EIF2AK4: variants seen among roughly 807,000 people sequenced by gnomAD.
EIF2AK4 encodes eIF-2-alpha kinase GCN2.
Under a neutral mutation model 211.1 loss-of-function variants are expected in EIF2AK4, and 139 were observed. That is an observed-to-expected ratio of 0.66 (90% CI 0.57 to 0.76). The LOEUF (loss-of-function observed/expected upper bound fraction) is 0.76. Ranked by LOEUF, EIF2AK4 falls within the 30% of genes least tolerant of loss-of-function variation. EIF2AK4 has a pLI of 0.00. For synonymous variants in EIF2AK4, 710 were observed against 751.3 expected, an observed-to-expected ratio of 0.94 and a Z score of 0.90; for missense variants, 1,664 against 2,043.8, an observed-to-expected ratio of 0.81 and a Z score of 3.58.
At chr15:39,982,921 A>G (rs1330182165) in intron 13 of EIF2AK4, among the ~76,000 whole-genome samples, 1 of 152,194 alleles carries the variant, frequency 6.6e-6, no homozygotes. Flanking sequence ...TATATGTGCC[A>G]CATTTTCTTT....
chr15:40,016,736 A>G, intron 28 of EIF2AK4, 64 bp downstream of exon 28: 2 of 1,549,900 alleles, frequency 1.3e-6, no homozygotes. Context: ...CAGGGAGGAA[A>G]TGTGTTTCAT....
At chr15:39,999,322 T>TA (rs2035062307) in intron 20 of EIF2AK4, among the ~76,000 whole-genome samples, 1 of 151,904 alleles carries the variant, frequency 6.6e-6, no homozygotes, top group Admixed American at 6.6e-5. Context: ...CAGCAAATAT[T>TA]AAAAAAAATA....
chr15:39,954,090 G>A (rs2034357553), intron 5 of EIF2AK4, 106 bp downstream of exon 5: 2 of 969,056 alleles, frequency 2.1e-6, no homozygotes, highest in African/African-American at 3.3e-5. Context: ...TTAAAATAAA[G>A]CACTAAAAAT....
Position 39,967,365 on chromosome 15 carries a change from T to C in EIF2AK4, c.1039T>C (p.Phe347Leu), listed in dbSNP as rs751653522. The C allele has an allele frequency of 6.3e-7, 1 of 1,595,802 alleles. No homozygotes were observed. Among genetic ancestry groups the C allele is most frequent in the South Asian group, 1.1e-5 (1 of 90,576 alleles). Residue 347 changes from phenylalanine to leucine, a missense_variant, in exon 9 of 39, where the codon TTC becomes CTC. Phe to Leu is a conservative substitution (Grantham distance 22). Coordinates refer to ENST00000263791, the MANE Select transcript of EIF2AK4 (RefSeq NM_001013703.4). ...TCAGATTCAAGGAACAGAAACAGAA[T>C]TCAACTCACTGGTAAAATTGAGCCA... ...KKQIQGTETE[F>L]NSLVKLSHPN...
chr15:39,973,501 T>C (rs2034652030), intron 10 of EIF2AK4, 91 bp from the exon 11 acceptor site: 1 of 1,351,702 alleles, frequency 7.4e-7, no homozygotes, highest in Non-Finnish European at 1.0e-6. Flanking sequence ...TGGTTGGAGC[T>C]CTTCTTCCAG....
At chr15:39,950,723 A>G (rs1282936688) in intron 4 of EIF2AK4, among the ~76,000 whole-genome samples, 1 of 150,718 alleles carries the variant, frequency 6.6e-6, no homozygotes, top group Non-Finnish European at 1.5e-5. Context: ...TATATAGTTC[A>G]TAAGCTTGAT....
rs2034644526 is a variant in EIF2AK4, at chr15:39,972,899, C to G, written c.1554-9C>G. On this transcript the variant is annotated splice_polypyrimidine_tract_variant and intron_variant, in intron 9 of 38. Transcript: ENST00000263791. ...GTGATGCTAAGATTCTTCCTTCCCT[C>G]TCACCGAGATGTGTGTGCTTGGATG... The G allele has an allele frequency of 1.2e-6, 2 of 1,611,154 alleles. No homozygotes were observed. Among genetic ancestry groups the G allele is most frequent in the South Asian group, 1.1e-5 (1 of 90,986 alleles).
intron 30 of EIF2AK4, 130 bp from the exon 31 acceptor site, chr15:40,020,769 G>T (rs1009047506): frequency 3.0e-6 from 2 of 672,646 alleles, no homozygotes; most frequent in Non-Finnish European, 4.5e-6. Context: ...TCTTTGGCAC[G>T]CTGTGTTTCT....
intron 19 of EIF2AK4, among the ~76,000 whole-genome samples, chr15:39,998,202 T>G (rs1358301979): frequency 2.0e-5 from 3 of 146,970 alleles, no homozygotes; most frequent in Non-Finnish European, 4.6e-5. Context: ...TGAGAACTTT[T>G]GGGGAAGTAG....
chr15:39,965,479 C>G (rs923332422), intron 7 of EIF2AK4, among the ~76,000 whole-genome samples: 21 of 152,082 alleles, frequency 1.4e-4, no homozygotes, highest in Non-Finnish European at 1.2e-4. Context: ...ATTCTTGCCC[C>G]TTATAAAAAA....
At chr15:40,003,393 C>T (rs1383420498) in intron 23 of EIF2AK4, 79 bp downstream of exon 23, 1 of 1,564,300 alleles carries the variant, frequency 6.4e-7, no homozygotes, top group Non-Finnish European at 8.7e-7. Flanking sequence ...AAGGATTTTT[C>T]CCCCAGGCTT....
At chr15:39,975,982 G>C (rs1488455538) in intron 11 of EIF2AK4, among the ~76,000 whole-genome samples, 1 of 151,906 alleles carries the variant, frequency 6.6e-6, no homozygotes, top group Non-Finnish European at 1.5e-5. Context: ...TAATATTTTT[G>C]GTGTTTAATT....
chr15:40,028,321 C>T (rs748819888), intron 33 of EIF2AK4, among the ~76,000 whole-genome samples: 5 of 152,074 alleles, frequency 3.3e-5, no homozygotes, highest in East Asian at 1.9e-4. Context: ...GCAACTCTCC[C>T]GCCTCAAGAA....
chr15:39,999,238 A>G (rs2035061653), intron 20 of EIF2AK4, among the ~76,000 whole-genome samples: 2 of 152,186 alleles, frequency 1.3e-5, no homozygotes, highest in South Asian at 4.1e-4. Context: ...TTAAAGCAAA[A>G]TAAATTCTCC....
At chr15:39,976,952 T>C in intron 12 of EIF2AK4, 108 bp downstream of exon 12, 13 of 1,312,612 alleles carry the variant, frequency 9.9e-6, no homozygotes, top group South Asian at 1.8e-5. Flanking sequence ...TTCCTTCTTT[T>C]CTTTCTTTCC....
rs537957900 is a variant in EIF2AK4 at position 39,972,118 on chromosome 15, G to A, written c.1554-790G>A. Among the ~76,000 whole-genome samples the A allele has an allele frequency of 1.2e-3, 182 of 152,218 alleles. 7 individuals carry two copies. The highest frequency in any genetic ancestry group is 3.4e-3 in the Middle Eastern group (1 of 294). The stretch of plus-strand genomic sequence containing the variant: ...TCACGCCTGTAATCCCAGCACTTTG[G>A]GAGGCCGAGACAGGCAGATTGTTTG... On this transcript the variant is annotated intron_variant, in intron 9 of 38. Coordinates refer to ENST00000263791, the MANE Select transcript of EIF2AK4 (RefSeq NM_001013703.4).
chr15:39,997,052 A>G lies in EIF2AK4; in HGVS notation c.2855A>G (p.Asn952Ser), dbSNP rs2035027438. ...VTASERIFVL[N>S]QLRDPTSPKF... ...GCTTCAGAAAGGATCTTTGTTCTCA[A>G]CCAACTCAGAGATGTATGTATCAGG... is the stretch of plus-strand genomic sequence containing the variant. Residue 952 changes from asparagine to serine, a missense_variant, in exon 19 of 39, where the codon AAC becomes AGC. Physicochemically the swap from Asn to Ser is conservative, Grantham distance 46 (BLOSUM62 1). Transcript: ENST00000263791. The G allele has an allele frequency of 1.2e-6, 2 of 1,612,112 alleles. No homozygotes were observed. Among genetic ancestry groups the G allele is most frequent in the Non-Finnish European group, 1.7e-6 (2 of 1,178,154 alleles).
rs1417536284 is a variant in EIF2AK4 at position 39,967,876 on chromosome 15, AG to A, written c.1551del (p.Lys518AsnfsTer17). 1 of 1,613,622 alleles carries A rather than the reference AG, an allele frequency of 6.2e-7. No individual in the cohort carries two copies. On this transcript the variant is annotated frameshift_variant and splice_region_variant, in exon 9 of 39. Coordinates refer to ENST00000263791, the MANE Select transcript of EIF2AK4 (RefSeq NM_001013703.4). LOFTEE classifies it high-confidence loss of function. ...DLPADFQDFL[K>X]KCVCLDDKER... ...CCAGCTGACTTTCAAGATTTTCTAA[AG>A]AAGTGAGTATCACTGAGATTCTCTC...
intron 32 of EIF2AK4, among the ~76,000 whole-genome samples, chr15:40,025,644 C>T (rs1300300168): frequency 6.6e-6 from 1 of 151,242 alleles, no homozygotes; most frequent in Non-Finnish European, 1.5e-5. Flanking sequence ...TTCATCTTGG[C>T]CTTAAAAAAA....
Sources: allele counts gnomAD v4.1 joint callset (sites outside exome capture counted in the v4.1 genomes callset), GRCh38; gene constraint gnomAD v4.1.1; transcripts MANE v1.5; gene names NCBI Gene and HGNC (gene_info 2026-07-23, HGNC 2026-07-21).